LRP1B: variants seen among roughly 807,000 people sequenced by gnomAD.
The protein encoded by LRP1B is LDL receptor related protein 1B, also known as low-density lipoprotein receptor-related protein 1B.
A neutral mutation model predicts 556.6 loss-of-function variants in LRP1B; 217 were observed. The observed-to-expected ratio is 0.39, with a 90% CI of 0.35 to 0.44. LRP1B has a LOEUF of 0.44. LRP1B is among the 20% of genes least tolerant of loss of function. LRP1B has a pLI of 1.00. For missense variants in LRP1B, 5,053 were observed against 5,620.8 expected, an observed-to-expected ratio of 0.90 and a Z score of 3.23; for synonymous variants, 2,047 against 1,865.8, an observed-to-expected ratio of 1.10 and a Z score of -2.50.
At chr2:141,969,802 A>T (rs1701676023) in intron 1 of LRP1B, among the ~76,000 whole-genome samples, 1 of 151,464 alleles carries the variant, frequency 6.6e-6, no homozygotes, top group Admixed American at 6.6e-5. Flanking sequence ...CAGTAGTGGG[A>T]TTTCTGTATC....
At chr2:141,947,389 A>C (rs1287580657) in intron 1 of LRP1B, among the ~76,000 whole-genome samples, 2 of 152,124 alleles carry the variant, frequency 1.3e-5, no homozygotes, top group East Asian at 3.9e-4. Flanking sequence ...GTGAGCAGAG[A>C]TCACGCCACT....
At chr2:141,254,923 A>T (rs529207240) in intron 3 of LRP1B, among the ~76,000 whole-genome samples, 1 of 152,168 alleles carries the variant, frequency 6.6e-6, no homozygotes, top group Admixed American at 6.6e-5. Context: ...TTATTTCAAG[A>T]GGAAAGATGT....
intron 20 of LRP1B, 89 bp downstream of exon 20, chr2:140,950,146 T>C: frequency 9.9e-7 from 1 of 1,015,104 alleles, no homozygotes; most frequent in East Asian, 2.9e-5. Context: ...AGCAATTTCT[T>C]TTTATACAAT....
chr2:140,871,336 TCA>T (rs1166231738), intron 25 of LRP1B, among the ~76,000 whole-genome samples: 1 of 152,124 alleles, frequency 6.6e-6, no homozygotes, highest in Non-Finnish European at 1.5e-5. Flanking sequence ...ACATGCATGC[TCA>T]CACACATATT....
chr2:141,555,981 G>C (rs547253670), intron 2 of LRP1B, among the ~76,000 whole-genome samples: 1 of 151,724 alleles, frequency 6.6e-6, no homozygotes, highest in South Asian at 2.1e-4. Context: ...AAGACTTTCC[G>C]TTTTCTGTTT....
intron 1 of LRP1B, among the ~76,000 whole-genome samples, chr2:142,018,228 C>T (rs1357285934): frequency 1.3e-5 from 2 of 152,120 alleles, no homozygotes; most frequent in African/African-American, 4.8e-5. Context: ...CATCATTCTT[C>T]TTAAGTTGCA....
intron 3 of LRP1B, among the ~76,000 whole-genome samples, chr2:141,312,738 G>C (rs1414547237): frequency 1.3e-5 from 2 of 151,556 alleles, no homozygotes; most frequent in African/African-American, 2.4e-5. Context: ...TCCCAGTCTG[G>C]AGTACAGTGG....
At chr2:141,795,857 A>AAAAAAAATAT (rs1491180183) in intron 2 of LRP1B, among the ~76,000 whole-genome samples, 1 of 51,632 alleles carries the variant, frequency 1.9e-5, no homozygotes. Flanking sequence ...AACCAGGAGC[A>AAAAAAAATAT]ATATATATAT....
rs143984840 is a variant in LRP1B at position 141,343,882 on chromosome 2, G to A, written c.344-89241C>T. Among the ~76,000 whole-genome samples, 39 of 152,160 alleles carry A rather than the reference G, an allele frequency of 2.6e-4. No individual in the cohort carries two copies. The East Asian group carries it at 5.2e-3, about 20-fold the overall frequency. On this transcript the variant is annotated intron_variant, in intron 3 of 90. Coordinates refer to ENST00000389484, the MANE Select transcript of LRP1B (RefSeq NM_018557.3). ...TTTTGGTTCCTTCCTCTTGAGATTC[G>A]TTCCCTGGGAATTCTAGCCACCTTG...
At chr2:141,523,874 C>T (rs964619944) in intron 2 of LRP1B, among the ~76,000 whole-genome samples, 4 of 152,156 alleles carry the variant, frequency 2.6e-5, no homozygotes, top group Non-Finnish European at 5.9e-5. Flanking sequence ...TTAGCACATG[C>T]TAATTGAACA....
intron 2 of LRP1B, among the ~76,000 whole-genome samples, chr2:141,807,572 A>T (rs1696205722): frequency 6.6e-6 from 1 of 152,090 alleles, no homozygotes; most frequent in Non-Finnish European, 1.5e-5. Flanking sequence ...GTATATTTAA[A>T]CAACTGCCAA....
chr2:140,305,035 A>G (rs559242047), intron 83 of LRP1B, among the ~76,000 whole-genome samples: 5 of 152,264 alleles, frequency 3.3e-5, no homozygotes, highest in East Asian at 1.9e-4. Flanking sequence ...TGGTGCCTGT[A>G]TCATGCTGTT....
At chr2:141,978,042 C>A (rs1343349116) in intron 1 of LRP1B, among the ~76,000 whole-genome samples, 2 of 152,076 alleles carry the variant, frequency 1.3e-5, no homozygotes, top group South Asian at 2.1e-4. Flanking sequence ...AACTCGCAAA[C>A]CACATAATTT....
intron 3 of LRP1B, among the ~76,000 whole-genome samples, chr2:141,316,996 G>A (rs993432502): frequency 6.6e-6 from 1 of 152,176 alleles, no homozygotes; most frequent in Non-Finnish European, 1.5e-5. Context: ...GGGAATTGTA[G>A]AGTTTATAAA....
chr2:140,787,635 A>G (rs935002354), intron 32 of LRP1B, among the ~76,000 whole-genome samples: 78 of 132,372 alleles, frequency 5.9e-4, no homozygotes, highest in African/African-American at 2.1e-3. Context: ...AAGTAGTCCA[A>G]TCAGGGCTCA....
intron 2 of LRP1B, among the ~76,000 whole-genome samples, chr2:141,629,991 A>C (rs1688850832): frequency 6.6e-6 from 1 of 152,112 alleles, no homozygotes; most frequent in African/African-American, 2.4e-5. Context: ...GGATCAATAC[A>C]ATCTTCAAAA....
rs1702631558 is a variant in LRP1B, at chr2:142,000,869, CT to C, written c.82+129778del. 2.6e-5 allele frequency among the ~76,000 whole-genome samples: 4 copies of C among 152,178 alleles called. No individual in the cohort carries two copies. The South Asian group carries it at 8.3e-4, about 32-fold the overall frequency. ...AGAACTGAAGCTAAATTTTGTTTAG[CT>C]CCTGATATGGTTTGGCTGTGTCCCC... On this transcript the variant is annotated intron_variant, in intron 1 of 90. Transcript: ENST00000389484.
chr2:142,041,028 C>T (rs1704047234), intron 1 of LRP1B, among the ~76,000 whole-genome samples: 1 of 151,382 alleles, frequency 6.6e-6, no homozygotes, highest in African/African-American at 2.4e-5. Flanking sequence ...TTGAATGTTT[C>T]AGCAATTCGA....
At chr2:141,362,275 C>A (rs1165397028) in intron 3 of LRP1B, among the ~76,000 whole-genome samples, 1 of 152,140 alleles carries the variant, frequency 6.6e-6, no homozygotes, top group Non-Finnish European at 1.5e-5. Context: ...ACCTTTCTAT[C>A]CTTTTCCAAA....
Sources: gnomAD v4.1 joint callset for allele counts (sites outside exome capture counted in the v4.1 genomes callset) on GRCh38, gnomAD v4.1.1 for gene constraint, MANE v1.5 for transcripts, NCBI Gene and HGNC (gene_info 2026-07-23, HGNC 2026-07-21) for gene names.